DSCAM: variants seen among roughly 807,000 people sequenced by gnomAD.
DSCAM encodes DS cell adhesion molecule.
A neutral mutation model predicts 217.7 loss-of-function variants in DSCAM; 47 were observed. The observed-to-expected ratio is 0.22, with a 90% CI of 0.17 to 0.28. The LOEUF (loss-of-function observed/expected upper bound fraction) is 0.28. Among genes scored for constraint, DSCAM ranks in the 10% least tolerant of loss-of-function variants. The pLI is 1.00. For missense variants in DSCAM, 2,080 were observed against 2,618.3 expected, an observed-to-expected ratio of 0.79 and a Z score of 4.49; for synonymous variants, 1,056 against 1,015.3, an observed-to-expected ratio of 1.04 and a Z score of -0.76.
At chr21:40,266,635 T>TCA (rs1555896543) in intron 11 of DSCAM, among the ~76,000 whole-genome samples, 11 of 62,632 alleles carry the variant, frequency 1.8e-4, no homozygotes, top group African/African-American at 8.4e-4. Context: ...CAAAGATGTT[T>TCA]TATATATATA....
Position 40,816,444 on chromosome 21 carries a change from T to G in DSCAM, c.43+30175A>C, listed in dbSNP as rs112092867. Reference sequence around the variant, plus strand: ...AAATACAAAAATTAGCCAGGTGTGGTGGCATGCACCTGTAGTCCCACCTAC... The same window carrying G: ...AAATACAAAAATTAGCCAGGTGTGGGGGCATGCACCTGTAGTCCCACCTAC... On this transcript the variant is annotated intron_variant, in intron 1 of 32. Transcript: ENST00000400454. Among the ~76,000 whole-genome samples, 342 of 152,228 alleles carry G rather than the reference T, an allele frequency of 2.2e-3. 1 individual carries two copies. Among genetic ancestry groups the G allele is most frequent in the African/African-American group, 7.8e-3 (322 of 41,542 alleles).
At chr21:40,331,785 A>T (rs1172512005) in intron 8 of DSCAM, among the ~76,000 whole-genome samples, 1 of 152,202 alleles carries the variant, frequency 6.6e-6, no homozygotes, top group Non-Finnish European at 1.5e-5. Context: ...TGGCCATTTC[A>T]TCTCACTATT....
intron 2 of DSCAM, among the ~76,000 whole-genome samples, chr21:40,695,038 A>G (rs1450973750): frequency 6.6e-6 from 1 of 152,166 alleles, no homozygotes; most frequent in African/African-American, 2.4e-5. Flanking sequence ...AATGATTTCA[A>G]TTTAAGCTCC....
In DSCAM at chr21:40,238,746, C is replaced by A. The variant is rs151142236; in HGVS notation, c.2356+37351G>T. 9.8e-4 allele frequency among the ~76,000 whole-genome samples: 149 copies of A among 152,254 alleles called. 1 individual carries two copies. The highest frequency in any genetic ancestry group is 1.1e-3 in the African/African-American group (45 of 41,542). The stretch of plus-strand genomic sequence containing the variant: ...GCTTGACATGGCCTTAAATGACATG[C>A]AACTATTCTTTTTGGTGACAGCTCC... On this transcript the variant is annotated intron_variant, in intron 11 of 32. Coordinates refer to ENST00000400454, the MANE Select transcript of DSCAM (RefSeq NM_001389.5).
chr21:40,390,589 T>A (rs1229060890), intron 3 of DSCAM, among the ~76,000 whole-genome samples: 1 of 152,168 alleles, frequency 6.6e-6, no homozygotes, highest in Non-Finnish European at 1.5e-5. Context: ...GCCAGCAGTA[T>A]TATTGGCAGG....
chr21:40,256,268 G>A (rs955622052), intron 11 of DSCAM, among the ~76,000 whole-genome samples: 2 of 152,130 alleles, frequency 1.3e-5, no homozygotes, highest in African/African-American at 2.4e-5. Flanking sequence ...AGGTATTTAG[G>A]TATTTAGGCT....
intron 10 of DSCAM, among the ~76,000 whole-genome samples, chr21:40,292,950 A>G (rs1357812163): frequency 6.6e-6 from 1 of 151,980 alleles, no homozygotes; most frequent in African/African-American, 2.4e-5. Flanking sequence ...GTTAGCCAGG[A>G]TGGTCTTGAT....
At chr21:40,534,572 C>T (rs2837686) in intron 3 of DSCAM, among the ~76,000 whole-genome samples, 45,480 of 151,964 alleles carry the variant, frequency 0.3, 8,645 homozygotes, top group African/African-American at 0.53. Flanking sequence ...AGAACTCTTG[C>T]TTCACTCTGC....
intron 11 of DSCAM, among the ~76,000 whole-genome samples, chr21:40,253,429 G>A (rs967794240): frequency 2.0e-5 from 3 of 152,176 alleles, no homozygotes; most frequent in African/African-American, 4.8e-5. Context: ...TGATAGAAAT[G>A]TCTTCAGTTA....
intron 3 of DSCAM, among the ~76,000 whole-genome samples, chr21:40,513,684 A>G (rs2076277737): frequency 6.6e-6 from 1 of 152,190 alleles, no homozygotes; most frequent in Non-Finnish European, 1.5e-5. Flanking sequence ...ATCTTTCCCC[A>G]TGACCCAAAC....
intron 16 of DSCAM, among the ~76,000 whole-genome samples, chr21:40,165,163 G>A (rs1304183091): frequency 6.6e-6 from 1 of 152,146 alleles, no homozygotes; most frequent in Non-Finnish European, 1.5e-5. Flanking sequence ...TGGGGCTAAC[G>A]CTATTTCTCC....
chr21:40,691,898 G>A (rs114934731), intron 3 of DSCAM, among the ~76,000 whole-genome samples: 6,750 of 152,258 alleles, frequency 0.044, 188 homozygotes, highest in East Asian at 0.11. Flanking sequence ...AAACAAAAAC[G>A]GTGTGTCACC....
intron 8 of DSCAM, among the ~76,000 whole-genome samples, chr21:40,337,453 A>G (rs1361990718): frequency 6.6e-6 from 1 of 152,254 alleles, no homozygotes; most frequent in Non-Finnish European, 1.5e-5. Flanking sequence ...CTCTGCCACT[A>G]AAAGTCTGCG....
At chr21:40,245,053 C>T (rs1466961532) in intron 11 of DSCAM, among the ~76,000 whole-genome samples, 2 of 152,222 alleles carry the variant, frequency 1.3e-5, no homozygotes, top group Non-Finnish European at 2.9e-5. Flanking sequence ...CCCTTCCTTA[C>T]ATGTGGCAAC....
intron 1 of DSCAM, among the ~76,000 whole-genome samples, chr21:40,785,654 G>A (rs1485055168): frequency 1.3e-5 from 2 of 152,204 alleles, no homozygotes; most frequent in Admixed American, 6.5e-5. Flanking sequence ...CTCCCAGGAT[G>A]AAAAGACTCG....
chr21:40,463,263 T>C (rs537025020), intron 3 of DSCAM, among the ~76,000 whole-genome samples: 1 of 151,874 alleles, frequency 6.6e-6, no homozygotes, highest in South Asian at 2.1e-4. Flanking sequence ...ACTTTAAAAA[T>C]AAACCCCAAA....
chr21:40,510,909 A>G (rs2076252839), intron 3 of DSCAM, among the ~76,000 whole-genome samples: 1 of 152,358 alleles, frequency 6.6e-6, no homozygotes, highest in Non-Finnish European at 1.5e-5. Flanking sequence ...GAAGCCTGCC[A>G]GATCTGACCC....
At chr21:40,681,489 CTTTT>C (rs57356615) in intron 3 of DSCAM, among the ~76,000 whole-genome samples, 54 of 145,752 alleles carry the variant, frequency 3.7e-4, no homozygotes, top group Non-Finnish European at 3.9e-4. Flanking sequence ...CTTAAAAATG[CTTTT>C]TTTTTTTTTT....
intron 3 of DSCAM, among the ~76,000 whole-genome samples, chr21:40,683,076 C>A (rs1245677380): frequency 1.3e-5 from 2 of 152,196 alleles, no homozygotes; most frequent in Admixed American, 6.5e-5. Flanking sequence ...CCATCAGAAC[C>A]TGACCATGCT....
Sources: gnomAD v4.1 joint callset for allele counts (sites outside exome capture counted in the v4.1 genomes callset) on GRCh38, gnomAD v4.1.1 for gene constraint, MANE v1.5 for transcripts, NCBI Gene and HGNC (gene_info 2026-07-23, HGNC 2026-07-21) for gene names.